Variants in FSTL4 observed in about 807,000 individuals in gnomAD.
The protein encoded by FSTL4 is follistatin-related protein 4.
In FSTL4, 28 loss-of-function variants were observed where a neutral mutation model predicts 78.2. That is an observed-to-expected ratio of 0.36 (90% CI 0.27 to 0.49). The LOEUF is 0.49. Ranked by LOEUF, FSTL4 falls within the 20% of genes least tolerant of loss-of-function variation. The pLI is 0.98. For synonymous variants in FSTL4, 422 were observed against 440.5 expected (o/e 0.96, Z 0.53); for missense variants, 922 against 1,084.9 (o/e 0.85, Z 2.11).
chr5:133,688,835 C>T, the FSTL4 span, among the ~76,000 whole-genome samples: 2 of 152,248 alleles, frequency 1.3e-5, no homozygotes, highest in African/African-American at 4.8e-5. Context: ...TCTGTTTTGT[C>T]CCTACCACGG....
In FSTL4 at chr5:133,532,394, G is replaced by T. The variant is rs562430416; in HGVS notation, c.160+34792C>A. ...GTATTTTCTACATTCCTAACATAGA[G>T]AATTATGTTCAATATCATCTCCAGA... On this transcript the variant is annotated intron_variant, in intron 3 of 15. Coordinates refer to ENST00000265342, the MANE Select transcript of FSTL4 (RefSeq NM_015082.2). Among the ~76,000 whole-genome samples the T allele has an allele frequency of 4.6e-5, 7 of 152,282 alleles. No homozygotes were observed. The South Asian group carries it at 1.5e-3, about 32-fold the overall frequency.
the FSTL4 span, among the ~76,000 whole-genome samples, chr5:133,724,998 C>T: frequency 2.0e-5 from 3 of 152,180 alleles, no homozygotes; most frequent in Non-Finnish European, 4.4e-5. Flanking sequence ...ATTACCTTGA[C>T]AAATTTGTTG....
At chr5:133,357,005 T>G (rs968788025) in intron 4 of FSTL4, among the ~76,000 whole-genome samples, 2 of 152,164 alleles carry the variant, frequency 1.3e-5, no homozygotes, top group African/African-American at 4.8e-5. Flanking sequence ...AGCACCCAAC[T>G]AAAGGTTGCA....
At chr5:133,513,894 C>T (rs12657590) in intron 3 of FSTL4, among the ~76,000 whole-genome samples, 58,473 of 151,926 alleles carry the variant, frequency 0.38, 12,558 homozygotes, top group East Asian at 0.62. Context: ...AATAAACTGT[C>T]GGGGCCGGGC....
chr5:133,326,090 T>G (rs867246455), intron 4 of FSTL4, among the ~76,000 whole-genome samples: 7 of 152,328 alleles, frequency 4.6e-5, no homozygotes, highest in African/African-American at 1.4e-4. Context: ...AGGATTTTAC[T>G]CCCAGCTCTA....
chr5:133,512,316 A>G (rs920759100), intron 3 of FSTL4, among the ~76,000 whole-genome samples: 2 of 152,224 alleles, frequency 1.3e-5, no homozygotes, highest in African/African-American at 4.8e-5. Context: ...AGCTCACTGG[A>G]TTCTCTTCAA....
intron 14 of FSTL4, 132 bp from the exon 15 acceptor site, chr5:133,202,174 C>G: frequency 1.8e-6 from 1 of 565,300 alleles, no homozygotes; most frequent in Non-Finnish European, 3.2e-6. Flanking sequence ...AAACCTCAAT[C>G]TCAGGGAAGA....
chr5:133,582,180 G>C (rs2112959367), intron 2 of FSTL4, among the ~76,000 whole-genome samples: 1 of 152,290 alleles, frequency 6.6e-6, no homozygotes, highest in South Asian at 2.1e-4. Flanking sequence ...GATGCAGGTG[G>C]GAAGAGTAGG....
At chr5:133,421,079 C>T (rs1756682574) in intron 3 of FSTL4, among the ~76,000 whole-genome samples, 1 of 152,186 alleles carries the variant, frequency 6.6e-6, no homozygotes, top group Non-Finnish European at 1.5e-5. Context: ...GACCTGGTCA[C>T]ATTGAGGGAG....
chr5:133,543,481 A>C (rs1759516990), intron 3 of FSTL4, among the ~76,000 whole-genome samples: 1 of 152,212 alleles, frequency 6.6e-6, no homozygotes, highest in Non-Finnish European at 1.5e-5. Context: ...TACTCGGTAA[A>C]TACATACTTG....
intron 14 of FSTL4, chr5:133,202,843 A>G (rs1436109325): frequency 6.6e-6 from 1 of 152,342 alleles, no homozygotes; most frequent in Non-Finnish European, 1.5e-5. Context: ...TCCCCTGTGG[A>G]CTTGGCAGGA....
At chr5:133,365,687 T>C (rs1290650227) in intron 4 of FSTL4, among the ~76,000 whole-genome samples, 2 of 152,258 alleles carry the variant, frequency 1.3e-5, no homozygotes, top group African/African-American at 4.8e-5. Context: ...GATTTGTAGG[T>C]TGGAGAACTC....
Position 133,199,570 on chromosome 5 carries a change from T to A in FSTL4, c.2054A>T (p.Asn685Ile). ...DSVTDSVLGPNGDVTGTPHTS... is the reference protein window; with the variant it reads ...DSVTDSVLGPIGDVTGTPHTS... The stretch of plus-strand genomic sequence containing the variant: ...GTGTGGGGTGCCTGTTACATCACCA[T>A]TGGGGCCAAGCACAGAGTCTGTGAC... The change falls in exon 16 of 16, where the codon AAT becomes ATT. Residue 685 changes from asparagine to isoleucine, a missense_variant. Physicochemically the swap from Asn to Ile is moderately radical, Grantham distance 149. Transcript: ENST00000265342. The surrounding 1 kb of genome is among the most constrained non-coding windows in gnomAD (Gnocchi z 4.4). The A allele has an allele frequency of 6.2e-7, 1 of 1,613,988 alleles. No homozygotes were observed. Among genetic ancestry groups the A allele is most frequent in the Non-Finnish European group, 8.5e-7 (1 of 1,179,892 alleles).
chr5:133,427,570 G>A (rs779679429), intron 3 of FSTL4: 7 of 507,590 alleles, frequency 1.4e-5, no homozygotes. Context: ...ATTAGTGCAC[G>A]CAATGGCGGG....
At chr5:133,820,859 G>GA in the FSTL4 span, among the ~76,000 whole-genome samples, 1 of 152,092 alleles carries the variant, frequency 6.6e-6, no homozygotes, top group African/African-American at 2.4e-5. Flanking sequence ...TTGTTGGAGG[G>GA]AAAAAAGATA....
the FSTL4 span, among the ~76,000 whole-genome samples, chr5:133,723,353 A>G: frequency 1.3e-5 from 2 of 152,174 alleles, no homozygotes; most frequent in African/African-American, 4.8e-5. Flanking sequence ...AGAGCAGAAC[A>G]TAGCTGTAGT....
rs147663445 is a variant in FSTL4, at chr5:133,375,796, C to T, written c.409+24942G>A. ...CTCTAAAGTTAATTTGTTCTTCCCA[C>T]ATTGACATGATTTAAAGTGATATGA... On this transcript the variant is annotated intron_variant, in intron 4 of 15. Transcript: ENST00000265342. 3.3e-5 allele frequency among the ~76,000 whole-genome samples: 5 copies of T among 152,298 alleles called. No individual in the cohort carries two copies. In the East Asian group the frequency reaches 7.7e-4, roughly 23 times the overall value.
intron 3 of FSTL4, among the ~76,000 whole-genome samples, chr5:133,469,753 C>T (rs549231112): frequency 6.6e-6 from 1 of 152,240 alleles, no homozygotes; most frequent in Admixed American, 6.5e-5. Flanking sequence ...GATTTAAGTA[C>T]ATTTCCAGAA....
chr5:133,728,261 T>C, the FSTL4 span, among the ~76,000 whole-genome samples: 1 of 152,204 alleles, frequency 6.6e-6, no homozygotes, highest in East Asian at 1.9e-4. Context: ...CATAGCCAAA[T>C]GGTCCCCAAT....
Sources: allele counts gnomAD v4.1 joint callset (sites outside exome capture counted in the v4.1 genomes callset), GRCh38; gene constraint gnomAD v4.1.1; non-coding constraint Gnocchi (gnomAD v3.1); transcripts MANE v1.5; gene names NCBI Gene and HGNC (gene_info 2026-07-23, HGNC 2026-07-21).